VWA5B1: variants seen among roughly 807,000 people sequenced by gnomAD.
VWA5B1 encodes the protein von Willebrand factor A domain-containing protein 5B1.
VWA5B1 carries 115 observed loss-of-function variants against 118.2 expected under a neutral mutation model. The ratio of observed to expected loss-of-function variants is 0.97; its 90% CI spans 0.84 to 1.14. The LOEUF (loss-of-function observed/expected upper bound fraction) is 1.14. Ranked by LOEUF, VWA5B1 falls within the 50% of genes most tolerant of loss-of-function variation. The pLI, the probability that VWA5B1 is intolerant of heterozygous loss-of-function variation, is 0.00. For missense variants in VWA5B1, 1,596 were observed against 1,603.8 expected (o/e 1.00, Z 0.08); for synonymous variants, 682 against 658.4 (o/e 1.04, Z -0.55).
chr1:20,323,289 C>A, intron 7 of VWA5B1, 67 bp from the exon 8 acceptor site: 1 of 1,310,050 alleles, frequency 7.6e-7, no homozygotes, highest in South Asian at 2.0e-5. Context: ...TGACGGGGAC[C>A]AGCATGAGTC....
At position 20,342,591 on chromosome 1, in the gene VWA5B1, C is replaced by T. The variant is rs74056519; in HGVS notation, c.2293C>T (p.Arg765Ter). 4.9e-5 allele frequency: 73 copies of T among 1,496,932 alleles called. No individual in the cohort carries two copies. Among genetic ancestry groups the T allele is most frequent in the Non-Finnish European group, 5.9e-5 (66 of 1,123,558 alleles). 92.7% of individuals were successfully genotyped at this position (1,496,932 alleles called of 1,614,324 possible). A position where few individuals can be genotyped will look rare whatever the true frequency, so the allele number is the denominator to read the frequency against. ...TGTGAGAGAGCGGACTTCTGACAGCCGAAGCCCTGGAGATCTGGGTAAGTG... is the reference window on the plus strand; with the variant it reads ...TGTGAGAGAGCGGACTTCTGACAGCTGAAGCCCTGGAGATCTGGGTAAGTG... The part of the protein sequence containing the change: ...SPVRERTSDS[R>*]SPGDLEPSHH... Residue 765 changes from arginine to a stop codon, truncating the protein, a stop_gained, in exon 15 of 22, where the codon CGA becomes TGA. Coordinates refer to ENST00000289815, the MANE Select transcript of VWA5B1 (RefSeq NM_001039500.3). LOFTEE classifies it high-confidence loss of function.
intron 2 of VWA5B1, 22 bp downstream of exon 2, chr1:20,310,762 TC>T: frequency 6.6e-7 from 1 of 1,518,112 alleles, no homozygotes; most frequent in Non-Finnish European, 8.8e-7. Context: ...TGCTGGGGCC[TC>T]CCCGGGACCA....
intron 17 of VWA5B1, 109 bp from the exon 18 acceptor site, chr1:20,348,136 T>C: frequency 9.5e-7 from 1 of 1,058,042 alleles, no homozygotes; most frequent in Non-Finnish European, 1.4e-6. Context: ...TTCCTGCCTT[T>C]GGATAATTGA....
intron 7 of VWA5B1, among the ~76,000 whole-genome samples, chr1:20,320,631 G>A (rs1427048258): frequency 2.0e-5 from 3 of 152,268 alleles, no homozygotes; most frequent in Admixed American, 1.3e-4. Context: ...AAGCAAATGA[G>A]AATTAACTTG....
chr1:20,318,473 C>T (rs1036972328), intron 5 of VWA5B1, 117 bp from the exon 6 acceptor site: 1 of 1,440,602 alleles, frequency 6.9e-7, no homozygotes, highest in African/African-American at 1.4e-5. Context: ...GGTCAGGAGC[C>T]CCTAACGGGG....
intron 12 of VWA5B1, among the ~76,000 whole-genome samples, chr1:20,333,463 C>T (rs189723558): frequency 6.6e-6 from 1 of 152,256 alleles, no homozygotes; most frequent in Non-Finnish European, 1.5e-5. Context: ...GGCGACAGAG[C>T]GAGACTCCGT....
Position 20,340,201 on chromosome 1 carries a change from A to G in VWA5B1, c.2134-2231A>G, listed in dbSNP as rs542742367. The stretch of plus-strand genomic sequence containing the variant: ...ACGCAACACACTTATATGTGCGCGC[A>G]CACACACACACACACACACTCCATG... On this transcript the variant is annotated intron_variant, in intron 14 of 21. Transcript: ENST00000289815. 2.9e-3 allele frequency among the ~76,000 whole-genome samples: 431 copies of G among 148,294 alleles called. 4 individuals carry two copies. Among genetic ancestry groups the G allele is most frequent in the African/African-American group, 7.7e-3 (309 of 40,270 alleles).
chr1:20,349,963 G>A (rs1288765253), intron 18 of VWA5B1, among the ~76,000 whole-genome samples, 193 bp from the exon 19 acceptor site: 1 of 152,042 alleles, frequency 6.6e-6, no homozygotes, highest in Admixed American at 6.6e-5. Context: ...TTGAACCCAG[G>A]CCTGTCTAAC....
intron 9 of VWA5B1, 82 bp downstream of exon 9, chr1:20,328,082 T>TA: frequency 7.3e-7 from 1 of 1,361,776 alleles, no homozygotes; most frequent in Non-Finnish European, 1.0e-6. Context: ...AAAAAATAGT[T>TA]AAAACCCTAG....
chr1:20,345,376 C>A, intron 16 of VWA5B1, 80 bp from the exon 17 acceptor site: 1 of 1,541,280 alleles, frequency 6.5e-7, no homozygotes, highest in Admixed American at 2.0e-5. Context: ...TAGGTAGAGC[C>A]CCCTTTTTAG....
chr1:20,302,488 T>C (rs2088527569), intron 1 of VWA5B1, among the ~76,000 whole-genome samples: 1 of 151,802 alleles, frequency 6.6e-6, no homozygotes. Flanking sequence ...AGAGACAGAG[T>C]CTCCTGCCTC....
intron 7 of VWA5B1, among the ~76,000 whole-genome samples, chr1:20,322,514 C>T (rs1204130991): frequency 1.3e-5 from 2 of 152,214 alleles, no homozygotes; most frequent in African/African-American, 4.8e-5. Context: ...ACTGATCCAT[C>T]TCTGGACTAG....
intron 12 of VWA5B1, 124 bp downstream of exon 12, chr1:20,333,075 GT>G: frequency 8.3e-7 from 1 of 1,210,380 alleles, no homozygotes; most frequent in Non-Finnish European, 1.1e-6. Flanking sequence ...GCAGCTGTGG[GT>G]TTACAGTTTT....
At chr1:20,320,227 G>A (rs2089164811) in intron 7 of VWA5B1, among the ~76,000 whole-genome samples, 1 of 152,240 alleles carries the variant, frequency 6.6e-6, no homozygotes, top group Non-Finnish European at 1.5e-5. Flanking sequence ...TCACCAGTAA[G>A]CTGGAGGAAG....
intron 18 of VWA5B1, 67 bp downstream of exon 18, chr1:20,348,425 C>A: frequency 6.7e-7 from 1 of 1,492,576 alleles, no homozygotes; most frequent in Non-Finnish European, 9.1e-7. Flanking sequence ...CTGAGGTTAC[C>A]GCGTCCTCCT....
At chr1:20,338,785 C>T (rs2089794895) in intron 14 of VWA5B1, 2 of 152,344 alleles carry the variant, frequency 1.3e-5, no homozygotes, top group Admixed American at 6.5e-5. Context: ...CTGCCTCGAA[C>T]TCCCAAAGCA....
chr1:20,354,111 A>G lies in VWA5B1; in HGVS notation c.3496A>G (p.Lys1166Glu), dbSNP rs544210986. The change falls in exon 22 of 22, where the codon AAG becomes GAG. Residue 1166 changes from lysine to glutamate, a missense_variant. Transcript: ENST00000289815. ...CACTGAGTGGGAGTTGGTGGCTGCCAAGGCCAACTCATGGCTGGAGCAGCA... is the reference window on the plus strand; with the variant it reads ...CACTGAGTGGGAGTTGGTGGCTGCCGAGGCCAACTCATGGCTGGAGCAGCA... Reference protein sequence around the residue: ...YFTEWELVAAKANSWLEQQEV... With the variant: ...YFTEWELVAAEANSWLEQQEV... The G allele has an allele frequency of 3.9e-6, 6 of 1,551,462 alleles. No individual in the cohort carries two copies. The African/African-American group carries it at 6.8e-5, about 18-fold the overall frequency.
chr1:20,310,463 G>A, intron 1 of VWA5B1, 113 bp from the exon 2 acceptor site: 1 of 1,097,730 alleles, frequency 9.1e-7, no homozygotes, highest in Non-Finnish European at 1.2e-6. Context: ...AGTTCTTGGG[G>A]AAAATGAAAA....
At chr1:20,327,512 G>A (rs1425432278) in intron 8 of VWA5B1, among the ~76,000 whole-genome samples, 1 of 152,270 alleles carries the variant, frequency 6.6e-6, no homozygotes, top group Non-Finnish European at 1.5e-5. Flanking sequence ...TGCTTTGGCA[G>A]CAGGGAGAGG....
Sources: gnomAD v4.1 joint callset for allele counts (sites outside exome capture counted in the v4.1 genomes callset) on GRCh38, gnomAD v4.1.1 for gene constraint, MANE v1.5 for transcripts, NCBI Gene and HGNC (gene_info 2026-07-23, HGNC 2026-07-21) for gene names.